The following SEPTIN10 variants were observed in gnomAD, a reference collection of about 807,000 sequenced individuals.
The protein encoded by SEPTIN10 is septin 10, also known as septin-10.
Under a neutral mutation model 54.8 loss-of-function variants are expected in SEPTIN10, and 66 were observed. That is an observed-to-expected ratio of 1.21 (90% confidence interval 0.99 to 1.48). The LOEUF is 1.48. Ranked by LOEUF, SEPTIN10 falls within the 40% of genes most tolerant of loss-of-function variation. The pLI, the probability that SEPTIN10 is intolerant of heterozygous loss-of-function variation, is 0.00. For missense variants in SEPTIN10, 620 were observed against 545.6 expected, an observed-to-expected ratio of 1.14 and a Z score of -1.36; for synonymous variants, 161 against 181.0, an observed-to-expected ratio of 0.89 and a Z score of 0.89.
At chr2:109,581,566 G>T (rs1199769766) in intron 4 of SEPTIN10, among the ~76,000 whole-genome samples, 1 of 151,484 alleles carries the variant, frequency 6.6e-6, no homozygotes, top group African/African-American at 2.4e-5. Flanking sequence ...TGGCTCCTCT[G>T]GGGGAAGAAA....
chr2:109,589,202 G>A (rs531999033), intron 2 of SEPTIN10, among the ~76,000 whole-genome samples: 14 of 152,064 alleles, frequency 9.2e-5, no homozygotes, highest in Admixed American at 7.9e-4. Context: ...GAGTGCAGTC[G>A]TGCGACCTTG....
intron 8 of SEPTIN10, among the ~76,000 whole-genome samples, chr2:109,560,278 T>C (rs1160099141): frequency 1.3e-5 from 2 of 152,192 alleles, no homozygotes; most frequent in Non-Finnish European, 2.9e-5. Flanking sequence ...CCAAGAATTG[T>C]CAAGGAAGCA....
At chr2:109,582,097 C>T in intron 4 of SEPTIN10, among the ~76,000 whole-genome samples, 1 of 150,052 alleles carries the variant, frequency 6.7e-6, no homozygotes, top group African/African-American at 2.4e-5. Flanking sequence ...CACACACACA[C>T]ACACACACAC....
At chr2:109,613,155 T>C (rs1346687569) in intron 1 of SEPTIN10, 32 of 1,288,556 alleles carry the variant, frequency 2.5e-5, no homozygotes, top group Non-Finnish European at 3.0e-5. Context: ...CTTGGTACTA[T>C]TAACGAAAAT....
intron 8 of SEPTIN10, among the ~76,000 whole-genome samples, chr2:109,562,911 CTTT>C (rs200795314): frequency 6.9e-6 from 1 of 145,822 alleles, no homozygotes; most frequent in Non-Finnish European, 1.5e-5. Context: ...ACACACAATG[CTTT>C]TTTTTTTTTT....
At chr2:109,546,261 A>C in intron 9 of SEPTIN10, 24 bp from the exon 10 acceptor site, 1 of 1,473,588 alleles carries the variant, frequency 6.8e-7, no homozygotes, top group Non-Finnish European at 9.1e-7. Flanking sequence ...TGCAATCCCC[A>C]CTACTGACAC....
At chr2:109,554,139 G>A (rs987956042) in intron 8 of SEPTIN10, among the ~76,000 whole-genome samples, 1 of 151,982 alleles carries the variant, frequency 6.6e-6, no homozygotes, top group Non-Finnish European at 1.5e-5. Context: ...AAAACAAGAA[G>A]GACAATTAAT....
chr2:109,584,339 G>GT (rs1461626953), intron 4 of SEPTIN10, among the ~76,000 whole-genome samples: 6 of 151,870 alleles, frequency 4.0e-5, no homozygotes, highest in African/African-American at 1.5e-4. Flanking sequence ...ATTAGGTGTG[G>GT]TGGCAGGTGC....
At chr2:109,586,731 G>A (rs201167214) in intron 2 of SEPTIN10, among the ~76,000 whole-genome samples, 2 of 152,192 alleles carry the variant, frequency 1.3e-5, no homozygotes, top group African/African-American at 2.4e-5. Flanking sequence ...AAGCCTGTAA[G>A]TTAAAGAGTC....
At chr2:109,561,730 A>C (rs545444317) in intron 8 of SEPTIN10, among the ~76,000 whole-genome samples, 1 of 152,292 alleles carries the variant, frequency 6.6e-6, no homozygotes, top group South Asian at 2.1e-4. Flanking sequence ...GTCAATAACG[A>C]TCACCACCAG....
intron 6 of SEPTIN10, 108 bp from the exon 7 acceptor site, chr2:109,565,967 A>C: frequency 2.0e-6 from 2 of 1,004,582 alleles, no homozygotes; most frequent in Non-Finnish European, 3.1e-6. Context: ...AACCTATTAA[A>C]ATCGAATGGT....
At chr2:109,570,665 G>T (rs889145481) in intron 5 of SEPTIN10, among the ~76,000 whole-genome samples, 14 of 151,556 alleles carry the variant, frequency 9.2e-5, no homozygotes, top group African/African-American at 3.1e-4. Context: ...GGGATTACAG[G>T]TGCCTGCCAC....
rs1680476928 is a variant in SEPTIN10, at chr2:109,543,700, C to T, written c.*609G>A. 6.4e-6 allele frequency: 1 copy of T among 155,502 alleles called. No homozygotes were observed. The highest frequency in any genetic ancestry group is 1.4e-5 in the Non-Finnish European group (1 of 70,470). 9.6% of individuals were successfully genotyped at this position (155,502 alleles called of 1,614,324 possible). The stretch of plus-strand genomic sequence containing the variant: ...CTTCGCTCTTTGGTATAATGCACTG[C>T]AGTGACAATAGCTTGGTAGCAAGAG... On this transcript the variant is annotated 3_prime_UTR_variant, in exon 11 of 11. Transcript: ENST00000397712.
At position 109,543,511 on chromosome 2, in the gene SEPTIN10, T is replaced by G. The variant is rs1680446667; in HGVS notation, c.*798A>C. ...AATTGGGTAATTGTATAAAAAATTT[T>G]TAAGTTCTATAAAACTATTAAGAGG... is the stretch of plus-strand genomic sequence containing the variant. On this transcript the variant is annotated 3_prime_UTR_variant, in exon 11 of 11. Coordinates refer to ENST00000397712, the MANE Select transcript of SEPTIN10 (RefSeq NM_144710.5). 6.6e-6 allele frequency: 1 copy of G among 152,198 alleles called. No homozygotes were observed. Among genetic ancestry groups the G allele is most frequent in the Admixed American group, 6.5e-5 (1 of 15,272 alleles). 9.4% of individuals were successfully genotyped at this position (152,198 alleles called of 1,614,324 possible).
chr2:109,543,497 T>C lies in SEPTIN10; in HGVS notation c.*812A>G, dbSNP rs1034454639. The C allele has an allele frequency of 9.8e-5, 15 of 152,294 alleles. No individual in the cohort carries two copies. The highest frequency in any genetic ancestry group is 3.4e-4 in the African/African-American group (14 of 41,570). The allele number at this position is 152,294 out of a possible 1,614,324, so 9.4% of individuals were successfully genotyped here. The stretch of plus-strand genomic sequence containing the variant: ...AAGATCATATCACCAATTGGGTAAT[T>C]GTATAAAAAATTTTTAAGTTCTATA... On this transcript the variant is annotated 3_prime_UTR_variant, in exon 11 of 11. Transcript: ENST00000397712.
intron 4 of SEPTIN10, among the ~76,000 whole-genome samples, chr2:109,578,094 T>A (rs1031542523): frequency 6.6e-6 from 1 of 151,912 alleles, no homozygotes; most frequent in African/African-American, 2.4e-5. Flanking sequence ...AGAACCACTA[T>A]AAGCATAGAA....
intron 2 of SEPTIN10, among the ~76,000 whole-genome samples, chr2:109,588,747 T>A (rs1346212820): frequency 6.6e-6 from 1 of 151,644 alleles, no homozygotes; most frequent in African/African-American, 2.4e-5. Flanking sequence ...TGCCTCAGCT[T>A]CTCAAAGTGC....
intron 1 of SEPTIN10, among the ~76,000 whole-genome samples, chr2:109,612,566 C>T (rs892801234): frequency 6.6e-6 from 1 of 152,164 alleles, no homozygotes; most frequent in Non-Finnish European, 1.5e-5. Flanking sequence ...TAAAGTTAGC[C>T]TCAAAGCAAA....
intron 8 of SEPTIN10, 88 bp from the exon 9 acceptor site, chr2:109,553,307 G>A (rs1286396354): frequency 2.2e-6 from 3 of 1,365,382 alleles, no homozygotes; most frequent in Non-Finnish European, 3.0e-6. Context: ...CACTTTGGGA[G>A]GCCGAGGCAG....
Sources: allele counts gnomAD v4.1 joint callset (sites outside exome capture counted in the v4.1 genomes callset), GRCh38; gene constraint gnomAD v4.1.1; transcripts MANE v1.5; gene names NCBI Gene and HGNC (gene_info 2026-07-23, HGNC 2026-07-21).